The following ATP11B variants were observed in gnomAD, a reference collection of about 807,000 sequenced individuals.
The protein encoded by ATP11B is ATPase phospholipid transporting 11B (putative), also known as phospholipid-transporting ATPase IF.
A neutral mutation model predicts 157.8 loss-of-function variants in ATP11B; 81 were observed. The ratio of observed to expected loss-of-function variants is 0.51; its 90% CI spans 0.43 to 0.62. The LOEUF is 0.62. ATP11B is among the 20% of genes least tolerant of loss of function. The pLI, the probability that ATP11B is intolerant of heterozygous loss-of-function variation, is 0.00. For missense variants in ATP11B, 1,165 were observed against 1,402.2 expected (o/e 0.83, Z 2.70); for synonymous variants, 451 against 469.4 (o/e 0.96, Z 0.51).
intron 1 of ATP11B, among the ~76,000 whole-genome samples, chr3:182,802,768 C>G (rs1309247284): frequency 6.6e-6 from 1 of 152,084 alleles, no homozygotes; most frequent in Non-Finnish European, 1.5e-5. Context: ...ACTTGCTAGT[C>G]TCATTTATCT....
intron 1 of ATP11B, among the ~76,000 whole-genome samples, chr3:182,819,226 G>T (rs1024434903): frequency 6.6e-6 from 1 of 151,506 alleles, no homozygotes; most frequent in Non-Finnish European, 1.5e-5. Flanking sequence ...CCGCCACCAC[G>T]CCCGGCTAAT....
chr3:182,817,774 C>G (rs1162401119), intron 1 of ATP11B, among the ~76,000 whole-genome samples: 1 of 150,580 alleles, frequency 6.6e-6, no homozygotes, highest in African/African-American at 2.4e-5. Flanking sequence ...CTGTAGTTAT[C>G]TTGCTGTTAT....
At position 182,895,385 on chromosome 3, in the gene ATP11B, TG is replaced by T. The variant is rs1281276485; in HGVS notation, c.2983-1314del. The stretch of plus-strand genomic sequence containing the variant: ...GTTGATAATCATAACTATTATTTAC[TG>T]ATTGCCTATTATATACCAGGTACCC... On this transcript the variant is annotated intron_variant, in intron 25 of 29. Transcript: ENST00000323116. 5.3e-5 allele frequency among the ~76,000 whole-genome samples: 8 copies of T among 152,330 alleles called. No individual in the cohort carries two copies. The East Asian group carries it at 1.5e-3, about 29-fold the overall frequency.
intron 28 of ATP11B, among the ~76,000 whole-genome samples, chr3:182,911,270 T>TCCCC (rs1724764078): frequency 3.6e-5 from 2 of 55,696 alleles, no homozygotes; most frequent in Non-Finnish European, 5.4e-5. Flanking sequence ...GCTATTGAAA[T>TCCCC]GCCCCCCCCC....
intron 28 of ATP11B, among the ~76,000 whole-genome samples, chr3:182,904,931 T>C (rs966368661): frequency 1.3e-5 from 2 of 151,384 alleles, no homozygotes; most frequent in African/African-American, 2.4e-5. Flanking sequence ...TCAAAACTTA[T>C]TAACAATTTT....
intron 12 of ATP11B, among the ~76,000 whole-genome samples, chr3:182,861,943 C>CA (rs35665738): frequency 0.17 from 22,700 of 135,560 alleles, 2,499 homozygotes; most frequent in African/African-American, 0.32. Context: ...GACCCTGTCT[C>CA]AAAAAAAAAA....
chr3:182,873,790 A>G, intron 18 of ATP11B, 22 bp from the exon 19 acceptor site: 1 of 1,588,536 alleles, frequency 6.3e-7, no homozygotes, highest in South Asian at 1.1e-5. Flanking sequence ...CTCTACTACT[A>G]ATTTGTTTCT....
chr3:182,876,553 A>T (rs915108093), intron 19 of ATP11B, among the ~76,000 whole-genome samples: 1 of 152,176 alleles, frequency 6.6e-6, no homozygotes, highest in Non-Finnish European at 1.5e-5. Flanking sequence ...ATTTTTCACA[A>T]TTCTGGAGGC....
At position 182,845,513 on chromosome 3, in the gene ATP11B, G is replaced by T; in HGVS notation, c.760G>T (p.Glu254Ter). 2 of 1,593,190 alleles carry T rather than the reference G, an allele frequency of 1.3e-6. No homozygotes were observed. The highest frequency in any genetic ancestry group is 1.9e-5 in the Admixed American group (1 of 53,762). ...TGGAGCCAGATTAAAAAACACAAAA[G>T]AAATTTTTGGTTTGTACATATTTAA... Reference protein sequence around the residue: ...LRGARLKNTKEIFGVAVYTGM... With the variant: ...LRGARLKNTK Residue 254 changes from glutamate to a stop codon, truncating the protein, a stop_gained, in exon 9 of 30, where the codon GAA becomes TAA. Transcript: ENST00000323116. LOFTEE classifies it high-confidence loss of function.
At chr3:182,878,239 AC>A (rs1722180036) in intron 19 of ATP11B, among the ~76,000 whole-genome samples, 3 of 152,238 alleles carry the variant, frequency 2.0e-5, no homozygotes, top group Admixed American at 2.0e-4. Flanking sequence ...GCTTTAACTT[AC>A]GAAAGTTTCT....
rs1192267647 is a variant in ATP11B at position 182,805,976 on chromosome 3, T to G, written c.27+12190T>G. On this transcript the variant is annotated intron_variant, in intron 1 of 29. Transcript: ENST00000323116. ...ATTTTTATTTAGCACAAGGATTTAG[T>G]GATATCTTTTACTCATTATTGTTTC... Among the ~76,000 whole-genome samples, 3 of 152,232 alleles carry G rather than the reference T, an allele frequency of 2.0e-5. No homozygotes were observed. The East Asian group carries it at 5.8e-4, about 29-fold the overall frequency.
chr3:182,851,641 T>G (rs999657251), intron 10 of ATP11B, among the ~76,000 whole-genome samples: 2 of 152,178 alleles, frequency 1.3e-5, no homozygotes, highest in Non-Finnish European at 2.9e-5. Context: ...GAGCTTCCAT[T>G]AAAAACAATA....
chr3:182,825,348 T>TA (rs1717643842), intron 2 of ATP11B, among the ~76,000 whole-genome samples: 2 of 152,212 alleles, frequency 1.3e-5, no homozygotes, highest in African/African-American at 4.8e-5. Flanking sequence ...CTGTTTCTCT[T>TA]ATTGTGGAAG....
At chr3:182,888,303 T>C (rs1722935474) in intron 24 of ATP11B, among the ~76,000 whole-genome samples, 1 of 152,168 alleles carries the variant, frequency 6.6e-6, no homozygotes, top group African/African-American at 2.4e-5. Flanking sequence ...ATTCCTCAGG[T>C]TATCTAGGAC....
At chr3:182,898,455 T>C (rs1424426403) in intron 27 of ATP11B, 152 bp from the exon 28 acceptor site, 1 of 516,354 alleles carries the variant, frequency 1.9e-6, no homozygotes, top group Non-Finnish European at 3.2e-6. Context: ...GCTTATCTTG[T>C]TTTGTTAGTT....
At chr3:182,891,266 G>A (rs193291285) in intron 25 of ATP11B, among the ~76,000 whole-genome samples, 2 of 152,254 alleles carry the variant, frequency 1.3e-5, no homozygotes, top group South Asian at 2.1e-4. Flanking sequence ...TGGATGAAAA[G>A]GATGTTAAAG....
At chr3:182,902,311 G>A (rs1231572966) in intron 28 of ATP11B, among the ~76,000 whole-genome samples, 1 of 152,096 alleles carries the variant, frequency 6.6e-6, no homozygotes, top group Non-Finnish European at 1.5e-5. Flanking sequence ...TCTTTTGATG[G>A]CACAGCCAAC....
intron 28 of ATP11B, among the ~76,000 whole-genome samples, chr3:182,899,790 C>T (rs1344003486): frequency 1.3e-5 from 2 of 152,138 alleles, no homozygotes; most frequent in African/African-American, 2.4e-5. Context: ...TTAGTAGGTG[C>T]TCAAGGATAG....
intron 19 of ATP11B, 117 bp downstream of exon 19, chr3:182,874,132 A>G: frequency 1.2e-6 from 1 of 825,178 alleles, no homozygotes; most frequent in South Asian, 1.9e-5. Context: ...AGCTAAAAGT[A>G]GTTTTTACAT....
Sources: allele counts gnomAD v4.1 joint callset (sites outside exome capture counted in the v4.1 genomes callset), GRCh38; gene constraint gnomAD v4.1.1; transcripts MANE v1.5; gene names NCBI Gene and HGNC (gene_info 2026-07-23, HGNC 2026-07-21).